Variants in OSBPL9 observed in about 807,000 individuals in gnomAD.
OSBPL9 encodes the protein oxysterol binding protein like 9, also known as oxysterol-binding protein-related protein 9.
OSBPL9 carries 40 observed loss-of-function variants against 106.6 expected under a neutral mutation model. The observed-to-expected ratio is 0.38, with a 90% CI of 0.29 to 0.49. The LOEUF (loss-of-function observed/expected upper bound fraction) is 0.49, where lower values mean the gene tolerates loss of function less well. Among genes scored for constraint, OSBPL9 ranks in the 20% least tolerant of loss-of-function variants. The pLI, the probability that OSBPL9 is intolerant of heterozygous loss-of-function variation, is 0.97. For missense variants in OSBPL9, 609 were observed against 887.2 expected (o/e 0.69, Z 3.98); for synonymous variants, 269 against 295.4 (o/e 0.91, Z 0.92).
intron 2 of OSBPL9, among the ~76,000 whole-genome samples, chr1:51,599,359 T>C (rs544488630): frequency 6.6e-6 from 1 of 152,176 alleles, no homozygotes; most frequent in African/African-American, 2.4e-5. Context: ...TCCCATGGAG[T>C]CTGTTCATTT....
intron 3 of OSBPL9, among the ~76,000 whole-genome samples, chr1:51,694,659 G>A (rs1213425978): frequency 1.3e-5 from 2 of 152,000 alleles, no homozygotes; most frequent in African/African-American, 4.8e-5. Context: ...ATCATGCGTT[G>A]GTTATTTGAA....
chr1:51,566,764 G>A, the OSBPL9 span, among the ~76,000 whole-genome samples: 1 of 152,036 alleles, frequency 6.6e-6, no homozygotes, highest in Non-Finnish European at 1.5e-5. Flanking sequence ...ATCCTTCCCT[G>A]CACTGCAGCT....
chr1:51,681,939 C>T (rs546516875), intron 3 of OSBPL9, among the ~76,000 whole-genome samples: 58 of 152,322 alleles, frequency 3.8e-4, no homozygotes, highest in Middle Eastern at 3.4e-3. Context: ...TGGTGACTCA[C>T]GCCTGTAATC....
chr1:51,707,153 G>T, intron 3 of OSBPL9: 1 of 393,486 alleles, frequency 2.5e-6, no homozygotes, highest in East Asian at 8.2e-5. Flanking sequence ...TGGAGGCCAT[G>T]TGGACCATGA....
chr1:51,534,554 C>G, the OSBPL9 span, among the ~76,000 whole-genome samples: 1 of 152,066 alleles, frequency 6.6e-6, no homozygotes, highest in African/African-American at 2.4e-5. Flanking sequence ...CTATGCTGTC[C>G]AGGGCATTCA....
intron 4 of OSBPL9, among the ~76,000 whole-genome samples, chr1:51,714,677 G>A (rs1660711318): frequency 6.6e-6 from 1 of 152,186 alleles, no homozygotes; most frequent in African/African-American, 2.4e-5. Flanking sequence ...TGGTGGTAAG[G>A]TGGTTGTAGC....
At chr1:51,772,914 T>G (rs1674252705) in intron 14 of OSBPL9, among the ~76,000 whole-genome samples, 191 bp downstream of exon 14, 1 of 152,240 alleles carries the variant, frequency 6.6e-6, no homozygotes, top group Non-Finnish European at 1.5e-5. Flanking sequence ...TAGGATAATT[T>G]CATAGAGAAC....
At chr1:51,600,089 T>A (rs1487787706) in intron 2 of OSBPL9, among the ~76,000 whole-genome samples, 1 of 152,222 alleles carries the variant, frequency 6.6e-6, no homozygotes, top group Non-Finnish European at 1.5e-5. Context: ...AAAGGCCCCA[T>A]TTCATCTCAA....
the OSBPL9 span, among the ~76,000 whole-genome samples, chr1:51,558,352 C>T: frequency 1.3e-5 from 2 of 152,080 alleles, no homozygotes; most frequent in South Asian, 4.1e-4. Context: ...GGGGACCAGA[C>T]TGCCTTTGTA....
intron 1 of OSBPL9, among the ~76,000 whole-genome samples, chr1:51,640,914 C>T (rs1485478267): frequency 6.6e-6 from 1 of 151,352 alleles, no homozygotes; most frequent in East Asian, 1.9e-4. Flanking sequence ...CCCCTGAGTA[C>T]CTAGGATTAC....
the OSBPL9 span, among the ~76,000 whole-genome samples, chr1:51,556,199 G>C: frequency 5.3e-5 from 8 of 152,148 alleles, no homozygotes; most frequent in Admixed American, 2.6e-4. Flanking sequence ...CTGTCTAGCA[G>C]TTAATTGTCA....
intron 2 of OSBPL9, among the ~76,000 whole-genome samples, chr1:51,660,610 C>T (rs1647079895): frequency 6.6e-6 from 1 of 152,218 alleles, no homozygotes; most frequent in Non-Finnish European, 1.5e-5. Context: ...TTGTTTACCA[C>T]TCTCTTACTG....
At chr1:51,616,277 G>T (rs1644056561), upstream of OSBPL9, among the ~76,000 whole-genome samples, 6 of 152,068 alleles carry the variant, frequency 3.9e-5, no homozygotes, top group South Asian at 1.2e-3. Context: ...GAGCCACCGC[G>T]CCCAGCCAAT....
intron 3 of OSBPL9, among the ~76,000 whole-genome samples, chr1:51,682,487 C>T (rs574392897): frequency 1.3e-5 from 2 of 151,814 alleles, no homozygotes; most frequent in Non-Finnish European, 2.9e-5. Context: ...TGGCCGGGTG[C>T]GGTGTCTCAC....
chr1:51,625,565 G>A (rs1025203497), intron 1 of OSBPL9, among the ~76,000 whole-genome samples: 4 of 150,842 alleles, frequency 2.7e-5, no homozygotes, highest in Non-Finnish European at 5.9e-5. Context: ...CTGTCATCCA[G>A]GCTGGAGTGC....
At chr1:51,718,679 T>C (rs115511493) in intron 4 of OSBPL9, among the ~76,000 whole-genome samples, 2,460 of 152,292 alleles carry the variant, frequency 0.016, 36 homozygotes, top group Middle Eastern at 0.031. Context: ...TTTAACTGGG[T>C]ATCTGTTACG....
chr1:51,552,479 C>G, the OSBPL9 span, among the ~76,000 whole-genome samples: 3 of 152,188 alleles, frequency 2.0e-5, no homozygotes, highest in Non-Finnish European at 4.4e-5. Context: ...TGGATTTGAA[C>G]TCAAGCAGTC....
chr1:51,683,935 G>A (rs978228573), intron 3 of OSBPL9, among the ~76,000 whole-genome samples: 2 of 152,094 alleles, frequency 1.3e-5, no homozygotes, highest in African/African-American at 4.8e-5. Flanking sequence ...GGCAGTGAAT[G>A]TTGGGGAGAT....
upstream of OSBPL9, among the ~76,000 whole-genome samples, chr1:51,613,475 C>G (rs964506332): frequency 4.6e-5 from 7 of 152,284 alleles, no homozygotes; most frequent in East Asian, 1.4e-3. Flanking sequence ...TTCTTTGAAT[C>G]TCAGTTTCCT....
Sources: gnomAD v4.1 joint callset for allele counts (sites outside exome capture counted in the v4.1 genomes callset) on GRCh38, gnomAD v4.1.1 for gene constraint, MANE v1.5 for transcripts, NCBI Gene and HGNC (gene_info 2026-07-23, HGNC 2026-07-21) for gene names.